GALNT17: variants seen among roughly 807,000 people sequenced by gnomAD.
The protein encoded by GALNT17 is UDP-GalNAc:polypeptide N-acetylgalactosaminyltransferase-like 3.
A neutral mutation model predicts 63.7 loss-of-function variants in GALNT17; 29 were observed. The ratio of observed to expected loss-of-function variants is 0.46; its 90% CI spans 0.34 to 0.62. The LOEUF (loss-of-function observed/expected upper bound fraction) is 0.62, where lower values mean the gene tolerates loss of function less well. Ranked by LOEUF, GALNT17 falls within the 20% of genes least tolerant of loss-of-function variation. The pLI is 0.01. For missense variants in GALNT17, 603 were observed against 799.6 expected (o/e 0.75, Z 2.97); for synonymous variants, 305 against 318.3 (o/e 0.96, Z 0.45).
chr7:71,142,012 C>CTGTGTGTGTGTGTGTG (rs201770661), intron 1 of GALNT17, among the ~76,000 whole-genome samples: 27 of 124,888 alleles, frequency 2.2e-4, no homozygotes, highest in African/African-American at 7.5e-4. Flanking sequence ...CCACATTTGG[C>CTGTGTGTGTGTGTGTG]TGTGTGTGTG....
intron 6 of GALNT17, among the ~76,000 whole-genome samples, chr7:71,583,913 A>C (rs1789676361): frequency 6.6e-6 from 1 of 151,866 alleles, no homozygotes; most frequent in African/African-American, 2.4e-5. Context: ...TCACGAGGTC[A>C]GGAGATGGAG....
At chr7:71,283,645 T>TA (rs1790817180) in intron 1 of GALNT17, among the ~76,000 whole-genome samples, 2 of 152,104 alleles carry the variant, frequency 1.3e-5, no homozygotes, top group South Asian at 4.2e-4. Context: ...CCACCTGTTG[T>TA]GGGAGGGACC....
intron 5 of GALNT17, among the ~76,000 whole-genome samples, chr7:71,460,245 T>C (rs1787429728): frequency 6.6e-6 from 1 of 152,070 alleles, no homozygotes; most frequent in African/African-American, 2.4e-5. Flanking sequence ...CAACAATATG[T>C]CTATGAAATA....
chr7:71,385,847 G>A (rs562411360), intron 2 of GALNT17, among the ~76,000 whole-genome samples: 27 of 152,200 alleles, frequency 1.8e-4, no homozygotes, highest in Middle Eastern at 3.4e-3. Context: ...TGCGCAGATC[G>A]CTTGAGGTCA....
intron 1 of GALNT17, among the ~76,000 whole-genome samples, chr7:71,137,965 C>A (rs1787818695): frequency 6.6e-6 from 1 of 152,150 alleles, no homozygotes. Flanking sequence ...GTAACATAAG[C>A]AGTTGATTAA....
chr7:71,495,601 C>G (rs1788081350), intron 5 of GALNT17, among the ~76,000 whole-genome samples: 1 of 152,174 alleles, frequency 6.6e-6, no homozygotes, highest in Admixed American at 6.5e-5. Context: ...GGGCCGAGGT[C>G]TGATCCCCAG....
intron 5 of GALNT17, among the ~76,000 whole-genome samples, chr7:71,521,612 GT>G (rs1296182938): frequency 3.9e-5 from 6 of 152,226 alleles, no homozygotes; most frequent in Non-Finnish European, 7.3e-5. Flanking sequence ...TGAGCCAGCT[GT>G]CGACTTACAC....
intron 5 of GALNT17, among the ~76,000 whole-genome samples, chr7:71,569,478 G>C (rs537034049): frequency 3.3e-5 from 5 of 152,150 alleles, no homozygotes; most frequent in African/African-American, 1.2e-4. Context: ...CCATCTTTAT[G>C]CCTGTGTGTA....
intron 1 of GALNT17, among the ~76,000 whole-genome samples, chr7:71,214,486 C>T (rs1461575025): frequency 6.6e-6 from 1 of 152,022 alleles, no homozygotes; most frequent in East Asian, 1.9e-4. Context: ...GGAAGAATGT[C>T]ATGAGCCCCT....
intron 5 of GALNT17, among the ~76,000 whole-genome samples, chr7:71,517,975 CAGAG>C (rs745873067): frequency 2.0e-5 from 3 of 152,140 alleles, no homozygotes; most frequent in Non-Finnish European, 4.4e-5. Flanking sequence ...ATTCTTATCT[CAGAG>C]GGAGCAGCTC....
At chr7:71,493,490 A>T (rs1788043256) in intron 5 of GALNT17, among the ~76,000 whole-genome samples, 1 of 152,130 alleles carries the variant, frequency 6.6e-6, no homozygotes, top group South Asian at 2.1e-4. Context: ...GAGGCCTCAC[A>T]ATCACGGTGG....
intron 1 of GALNT17, among the ~76,000 whole-genome samples, chr7:71,156,991 C>CTGT (rs1376819904): frequency 6.6e-6 from 1 of 151,236 alleles, no homozygotes; most frequent in African/African-American, 2.4e-5. Context: ...AGGTCTTGTT[C>CTGT]TGTTGCCCAG....
intron 1 of GALNT17, among the ~76,000 whole-genome samples, chr7:71,139,020 G>A (rs987298333): frequency 1.2e-4 from 19 of 152,042 alleles, no homozygotes; most frequent in Non-Finnish European, 4.4e-5. Context: ...AGAGACAGAC[G>A]GATTTCTTGT....
In GALNT17 at chr7:71,712,225, GGA is replaced by G; in HGVS notation, c.*84_*85del. ...CAACATCTGGACCAGCTGCCCTGGC[GGA>G]GAGACAGCAAGGGGCCGGCAGGTGC... On this transcript the variant is annotated 3_prime_UTR_variant, in exon 11 of 11. Transcript: ENST00000333538. 3 of 1,551,298 alleles carry G rather than the reference GGA, an allele frequency of 1.9e-6. No homozygotes were observed. Among genetic ancestry groups the G allele is most frequent in the Non-Finnish European group, 2.6e-6 (3 of 1,150,992 alleles).
At position 71,571,482 on chromosome 7, in the gene GALNT17, A is replaced by G. The variant is rs1045149211; in HGVS notation, c.1080+80A>G. On this transcript the variant is annotated intron_variant, in intron 6 of 10. Transcript: ENST00000333538. ...TCTTGGTCATCCGTGGGGTGTATTT[A>G]AAGCTCCTTACAGCTGATGAATGAC... 10 of 1,122,930 alleles carry G rather than the reference A, an allele frequency of 8.9e-6. No homozygotes were observed. In the African/African-American group the frequency reaches 1.2e-4, roughly 14 times the overall value. 69.6% of individuals were successfully genotyped at this position (1,122,930 alleles called of 1,614,324 possible).
At position 71,312,181 on chromosome 7, in the gene GALNT17, C is replaced by T. The variant is rs558694570; in HGVS notation, c.239-23369C>T. On this transcript the variant is annotated intron_variant, in intron 1 of 10. Coordinates refer to ENST00000333538, the MANE Select transcript of GALNT17 (RefSeq NM_022479.3). ...ATTGCCTCTGAGCTGCACTTCTGGG[C>T]AAACTGCCTGGGGTTAGCCCTGCTC... 1.1e-4 allele frequency among the ~76,000 whole-genome samples: 16 copies of T among 152,320 alleles called. No homozygotes were observed. In the East Asian group the frequency reaches 2.7e-3, roughly 26 times the overall value.
At chr7:71,512,542 G>A (rs1308021000) in intron 5 of GALNT17, among the ~76,000 whole-genome samples, 2 of 152,162 alleles carry the variant, frequency 1.3e-5, no homozygotes, top group Non-Finnish European at 2.9e-5. Flanking sequence ...TGGGCCATGA[G>A]CAGAAATGTT....
intron 1 of GALNT17, among the ~76,000 whole-genome samples, chr7:71,143,576 T>G (rs1364300524): frequency 6.6e-6 from 1 of 151,974 alleles, no homozygotes; most frequent in Non-Finnish European, 1.5e-5. Context: ...GGGAGTTTGT[T>G]AGGAGGACTG....
intron 1 of GALNT17, among the ~76,000 whole-genome samples, chr7:71,244,373 G>A (rs1790056545): frequency 6.6e-6 from 1 of 152,154 alleles, no homozygotes; most frequent in South Asian, 2.1e-4. Context: ...TTGGTTTCAC[G>A]GCTCTTTTAT....
Sources: gnomAD v4.1 joint callset for allele counts (sites outside exome capture counted in the v4.1 genomes callset) on GRCh38, gnomAD v4.1.1 for gene constraint, MANE v1.5 for transcripts, NCBI Gene and HGNC (gene_info 2026-07-23, HGNC 2026-07-21) for gene names.